The following TRANK1 variants were observed in gnomAD, a reference collection of about 807,000 sequenced individuals.
TRANK1 encodes tetratricopeptide repeat and ankyrin repeat containing 1, also known as TPR and ankyrin repeat-containing protein 1.
TRANK1 carries 198 observed loss-of-function variants against 266.0 expected under a neutral mutation model. The ratio of observed to expected loss-of-function variants is 0.74; its 90% CI spans 0.66 to 0.84. The LOEUF (loss-of-function observed/expected upper bound fraction) is 0.84. Ranked by LOEUF, TRANK1 falls within the 40% of genes least tolerant of loss-of-function variation. TRANK1 has a pLI of 0.00. For missense variants in TRANK1, 3,326 were observed against 3,634.6 expected (o/e 0.92, Z 2.18); for synonymous variants, 1,396 against 1,384.1 (o/e 1.01, Z -0.19).
chr3:36,858,620 A>C, intron 12 of TRANK1, 98 bp downstream of exon 12: 1 of 1,331,724 alleles, frequency 7.5e-7, no homozygotes, highest in Non-Finnish European at 9.7e-7. Context: ...TTTTCAGATC[A>C]CTGGTTTACA....
intron 1 of TRANK1, among the ~76,000 whole-genome samples, chr3:36,937,192 C>T (rs1002720553): frequency 2.0e-5 from 3 of 152,150 alleles, no homozygotes; most frequent in African/African-American, 7.2e-5. Context: ...AAGAGGAGAC[C>T]CTAAGCCATC....
chr3:36,899,043 GT>G, intron 4 of TRANK1, 65 bp downstream of exon 4: 1 of 1,494,826 alleles, frequency 6.7e-7, no homozygotes, highest in East Asian at 2.5e-5. Flanking sequence ...ATGAGCCTGA[GT>G]CCCCAGGAGC....
intron 1 of TRANK1, among the ~76,000 whole-genome samples, chr3:36,924,829 A>T (rs1309773501): frequency 6.6e-6 from 1 of 152,206 alleles, no homozygotes; most frequent in Non-Finnish European, 1.5e-5. Context: ...TGGCCACTGG[A>T]AACAGGACTG....
At chr3:36,944,082 G>T (rs779776415) in intron 1 of TRANK1, among the ~76,000 whole-genome samples, 1 of 152,216 alleles carries the variant, frequency 6.6e-6, no homozygotes, top group South Asian at 2.1e-4. Flanking sequence ...GGGAGGAAAC[G>T]CAACGCGCCT....
intron 17 of TRANK1, among the ~76,000 whole-genome samples, chr3:36,843,802 C>T (rs193109601): frequency 3.9e-5 from 6 of 152,228 alleles, no homozygotes; most frequent in South Asian, 4.1e-4. Context: ...TGCAAAAACA[C>T]GTTAAGCATC....
intron 4 of TRANK1, among the ~76,000 whole-genome samples, chr3:36,897,082 A>T (rs2125614405): frequency 6.6e-6 from 1 of 152,260 alleles, no homozygotes; most frequent in Non-Finnish European, 1.5e-5. Context: ...CAGGTGGATC[A>T]CCTGAGGTTA....
At chr3:36,853,435 G>A (rs1270239911) in intron 13 of TRANK1, among the ~76,000 whole-genome samples, 1 of 152,202 alleles carries the variant, frequency 6.6e-6, no homozygotes, top group African/African-American at 2.4e-5. Context: ...ATCCAATACT[G>A]TTGTTATTAA....
rs774423505 is a variant in TRANK1 at position 36,858,064 on chromosome 3, C to T, written c.1673-15G>A. The T allele has an allele frequency of 5.3e-6, 8 of 1,510,108 alleles. No homozygotes were observed. The highest frequency in any genetic ancestry group is 7.1e-6 in the Non-Finnish European group (8 of 1,133,006). 93.5% of individuals were successfully genotyped at this position (1,510,108 alleles called of 1,614,324 possible). A position where few individuals can be genotyped will look rare whatever the true frequency, so the allele number is the denominator to read the frequency against. ...ACCAATGTCAGCTGAAAGACACAAA[C>T]AAAACCCTGTGAGCACTGAGCCACT... is the stretch of plus-strand genomic sequence containing the variant. On this transcript the variant is annotated splice_polypyrimidine_tract_variant and intron_variant, in intron 12 of 23. Coordinates refer to ENST00000645898, the MANE Select transcript of TRANK1 (RefSeq NM_001329998.2).
chr3:36,866,068 GAAA>G (rs2079217958), intron 9 of TRANK1, among the ~76,000 whole-genome samples: 3 of 139,434 alleles, frequency 2.2e-5, no homozygotes, highest in African/African-American at 9.0e-5. Flanking sequence ...AAGAAAGAAA[GAAA>G]GAAAGAAAGA....
At chr3:36,922,327 C>T (rs929700088) in intron 1 of TRANK1, among the ~76,000 whole-genome samples, 13 of 152,086 alleles carry the variant, frequency 8.5e-5, no homozygotes, top group South Asian at 2.1e-4. Context: ...GGTTCAGGGC[C>T]GGGCGCAGTG....
chr3:36,904,209 T>C (rs2125625849), intron 2 of TRANK1, among the ~76,000 whole-genome samples: 1 of 151,810 alleles, frequency 6.6e-6, no homozygotes, highest in African/African-American at 2.4e-5. Context: ...CTGCCTCAGC[T>C]TCCCAAAGTG....
Position 36,833,226 on chromosome 3 carries a change from A to G in TRANK1, c.6357T>C (p.Ile2119=). 6.2e-7 allele frequency: 1 copy of G among 1,613,972 alleles called. No homozygotes were observed. Among genetic ancestry groups the G allele is most frequent in the Non-Finnish European group, 8.5e-7 (1 of 1,179,894 alleles). The change falls in exon 22 of 24, where the codon ATT becomes ATC. Residue 2119 remains isoleucine, a synonymous_variant. Transcript: ENST00000645898. ...MVKSCFEFFG[I]SQVDAKYCQI... ...GGCAATACTTGGCATCCACCTGGGAAATCCCAAAAAACTCAAAGCAAGATT... is the reference window on the plus strand; with the variant it reads ...GGCAATACTTGGCATCCACCTGGGAGATCCCAAAAAACTCAAAGCAAGATT...
rs534757109 is a variant in TRANK1, at chr3:36,867,029, G to A, written c.1079-2549C>T. Among the ~76,000 whole-genome samples, 8 of 152,280 alleles carry A rather than the reference G, an allele frequency of 5.3e-5. No individual in the cohort carries two copies. In the South Asian group the frequency reaches 1.5e-3, roughly 28 times the overall value. ...CATCATCCTCCAGAGAACAGAAAAT[G>A]ATAATCATTTGGCAAAGAAAGACCC... On this transcript the variant is annotated intron_variant, in intron 9 of 23. Transcript: ENST00000645898.
chr3:36,863,388 C>T (rs1260845669), intron 10 of TRANK1, among the ~76,000 whole-genome samples: 1 of 152,144 alleles, frequency 6.6e-6, no homozygotes, highest in African/African-American at 2.4e-5. Flanking sequence ...GACATTAAGT[C>T]CAAAAACCAA....
chr3:36,937,130 G>C (rs539885723), intron 1 of TRANK1, among the ~76,000 whole-genome samples: 1 of 152,192 alleles, frequency 6.6e-6, no homozygotes, highest in Admixed American at 6.5e-5. Flanking sequence ...GGCAAAGACA[G>C]ATCAATTTCA....
intron 13 of TRANK1, 137 bp downstream of exon 13, chr3:36,855,036 G>A (rs761671513): frequency 2.3e-5 from 17 of 737,140 alleles, no homozygotes; most frequent in Admixed American, 9.2e-5. Context: ...GTCCATGAGC[G>A]TATTTACTAA....
intron 2 of TRANK1, among the ~76,000 whole-genome samples, chr3:36,903,608 T>A (rs1314540031): frequency 6.6e-6 from 1 of 152,244 alleles, no homozygotes; most frequent in Non-Finnish European, 1.5e-5. Context: ...GTAAGAGGCC[T>A]GTGCAGGCCC....
intron 8 of TRANK1, among the ~76,000 whole-genome samples, chr3:36,879,731 TATAA>T (rs1300232827): frequency 8.6e-6 from 1 of 116,398 alleles, no homozygotes; most frequent in Non-Finnish European, 1.6e-5. Context: ...TATAAATATA[TATAA>T]ATATACAAAT....
chr3:36,893,887 CTT>C (rs10646646), intron 5 of TRANK1, among the ~76,000 whole-genome samples: 2 of 146,130 alleles, frequency 1.4e-5, no homozygotes, highest in Non-Finnish European at 1.5e-5. Context: ...GATACCCATT[CTT>C]TTTTTTTTTT....
Sources: allele counts gnomAD v4.1 joint callset (sites outside exome capture counted in the v4.1 genomes callset), GRCh38; gene constraint gnomAD v4.1.1; transcripts MANE v1.5; gene names NCBI Gene and HGNC (gene_info 2026-07-23, HGNC 2026-07-21).